Variants in FRMPD2 observed in about 807,000 individuals in gnomAD.
The protein encoded by FRMPD2 is FERM and PDZ domain-containing protein 2.
FRMPD2 carries 96 observed loss-of-function variants against 140.1 expected under a neutral mutation model. The ratio of observed to expected loss-of-function variants is 0.69; its 90% CI spans 0.58 to 0.81. The LOEUF is 0.81. Among genes scored for constraint, FRMPD2 ranks in the 40% least tolerant of loss-of-function variants. The pLI is 0.00. For synonymous variants in FRMPD2, 449 were observed against 547.6 expected, an observed-to-expected ratio of 0.82 and a Z score of 2.52; for missense variants, 1,240 against 1,447.4, an observed-to-expected ratio of 0.86 and a Z score of 2.32.
intron 14 of FRMPD2, 56 bp from the exon 15 acceptor site, chr10:48,201,440 C>T (rs866010069): frequency 1.7e-4 from 256 of 1,534,356 alleles, no homozygotes; most frequent in Non-Finnish European, 2.0e-4. Context: ...CCTCCACTGA[C>T]GCACAACTGC....
chr10:48,222,395 TC>T lies in FRMPD2; in HGVS notation c.1372del (p.Glu458ArgfsTer46). On this transcript the variant is annotated frameshift_variant, in exon 12 of 29. Transcript: ENST00000374201. LOFTEE classifies it high-confidence loss of function. ...TATCTCTTCATTGCAGTACAGCCTC[TC>T]CTCCAGGATATCTTTCCGAAGCTGC... Reference protein sequence around the residue: ...YLQLRKDILEERLYCNEEILL... With the variant: ...YLQLRKDILEXRLYCNEEILL... 6.2e-7 allele frequency: 1 copy of T among 1,614,158 alleles called. No homozygotes were observed. The highest frequency in any genetic ancestry group is 8.5e-7 in the Non-Finnish European group (1 of 1,179,992).
chr10:48,246,381 C>T (rs1232312497), intron 3 of FRMPD2, among the ~76,000 whole-genome samples: 1 of 152,166 alleles, frequency 6.6e-6, no homozygotes, highest in Non-Finnish European at 1.5e-5. Context: ...AGGCCTTGGC[C>T]ACAGTGACAA....
chr10:48,215,580 A>G (rs1054546028), intron 12 of FRMPD2, among the ~76,000 whole-genome samples: 2 of 152,174 alleles, frequency 1.3e-5, no homozygotes, highest in African/African-American at 2.4e-5. Context: ...GTATAAATGA[A>G]TGGGTTTGTG....
At chr10:48,247,842 T>G (rs763639611) in intron 3 of FRMPD2, among the ~76,000 whole-genome samples, 25 of 152,108 alleles carry the variant, frequency 1.6e-4, no homozygotes, top group Non-Finnish European at 3.4e-4. Context: ...GGCACGCAAG[T>G]CTGTGTCCAA....
intron 10 of FRMPD2, among the ~76,000 whole-genome samples, chr10:48,225,650 A>C (rs1276013852): frequency 6.6e-6 from 1 of 152,228 alleles, no homozygotes; most frequent in East Asian, 1.9e-4. Context: ...ATTCCAGAAT[A>C]AACTCTTTCT....
intron 12 of FRMPD2, among the ~76,000 whole-genome samples, chr10:48,221,245 C>A (rs114781897): frequency 0.014 from 2,192 of 152,202 alleles, 51 homozygotes; most frequent in African/African-American, 0.048. Context: ...ATTTCTTTAT[C>A]CACTCATTCC....
intron 10 of FRMPD2, among the ~76,000 whole-genome samples, chr10:48,226,355 G>A (rs1244154255): frequency 6.6e-6 from 1 of 152,064 alleles, no homozygotes; most frequent in Non-Finnish European, 1.5e-5. Context: ...TCTTCCTCTA[G>A]CCGAACTCCT....
rs118189578 is a variant in FRMPD2 at position 48,254,648 on chromosome 10, C to T, written c.26-2957G>A. 9.1e-3 allele frequency among the ~76,000 whole-genome samples: 1,379 copies of T among 152,334 alleles called. 14 individuals carry two copies. Among genetic ancestry groups the T allele is most frequent in the African/African-American group, 0.024 (995 of 41,566 alleles). On this transcript the variant is annotated intron_variant, in intron 1 of 28. Coordinates refer to ENST00000374201, the MANE Select transcript of FRMPD2 (RefSeq NM_001018071.4). ...ATACACTTCCATAGCATTTACTGTACGCCAGGCACTGTTCAGAGTGCTTTA... is the reference window on the plus strand; with the variant it reads ...ATACACTTCCATAGCATTTACTGTATGCCAGGCACTGTTCAGAGTGCTTTA...
At position 48,178,048 on chromosome 10, in the gene FRMPD2, G is replaced by A. The variant is rs1281308062; in HGVS notation, c.2894C>T (p.Thr965Ile). Residue 965 changes from threonine (T) to isoleucine (I), a missense_variant and splice_region_variant, in exon 22 of 29, where the codon ACT becomes ATT. Transcript: ENST00000374201. ...KEDGTLGFSVTGGINTSVPYG... is the reference protein window; with the variant it reads ...KEDGTLGFSVIGGINTSVPYG... ...TCAAGCTCTCCTAAAAACTCTTACAGTTACACTGAATCCAAGTGTCCCATC... is the reference window on the plus strand; with the variant it reads ...TCAAGCTCTCCTAAAAACTCTTACAATTACACTGAATCCAAGTGTCCCATC... The A allele has an allele frequency of 1.9e-6, 3 of 1,592,196 alleles. No individual in the cohort carries two copies. The highest frequency in any genetic ancestry group is 2.6e-6 in the Non-Finnish European group (3 of 1,162,154).
intron 13 of FRMPD2, among the ~76,000 whole-genome samples, chr10:48,207,760 C>T (rs548630788): frequency 7.2e-5 from 11 of 152,184 alleles, no homozygotes; most frequent in Non-Finnish European, 1.5e-4. Flanking sequence ...GAAGCCCTCT[C>T]AGAAGGGTTG....
Position 48,242,199 on chromosome 10 carries a change from T to C in FRMPD2, c.529A>G (p.Arg177Gly). Residue 177 changes from arginine to glycine, a missense_variant, in exon 5 of 29, where the codon AGA becomes GGA. By Grantham distance (125) the Arg-to-Gly change is moderately radical. Transcript: ENST00000374201. ...VYPAPAGLHI[R>G]RLVGLVLGTI... ...CCCAGAACCAAGCCAACCAGCCTTC[T>C]GATGTGGAGACCAGCAGGGGCTGGG... 1 of 1,614,098 alleles carries C rather than the reference T, an allele frequency of 6.2e-7. No individual in the cohort carries two copies. Among genetic ancestry groups the C allele is most frequent in the Non-Finnish European group, 8.5e-7 (1 of 1,179,944 alleles).
rs114163551 is a variant in FRMPD2 at position 48,212,156 on chromosome 10, G to A, written c.1456-47C>T. ...GAAGGGCACAATCCAGACACTGGCC[G>A]GGGGACTCTGAGAGGAATGAAAACA... is the stretch of plus-strand genomic sequence containing the variant. On this transcript the variant is annotated intron_variant, in intron 12 of 28. Coordinates refer to ENST00000374201, the MANE Select transcript of FRMPD2 (RefSeq NM_001018071.4). 1,531 of 1,582,960 alleles carry A rather than the reference G, an allele frequency of 9.7e-4. 7 individuals carry two copies. The African/African-American group carries it at 0.017, about 18-fold the overall frequency.
At chr10:48,269,728 C>T (rs1306899447) in intron 1 of FRMPD2, among the ~76,000 whole-genome samples, 2 of 152,160 alleles carry the variant, frequency 1.3e-5, no homozygotes, top group African/African-American at 4.8e-5. Context: ...TCAAATTAAT[C>T]CATCCAGAGC....
intron 1 of FRMPD2, 62 bp downstream of exon 1, chr10:48,274,481 A>G: frequency 6.9e-7 from 1 of 1,453,792 alleles, no homozygotes; most frequent in Non-Finnish European, 9.7e-7. Context: ...TAGACCCAGT[A>G]AGAAGTTTGC....
chr10:48,192,626 C>T lies in FRMPD2; in HGVS notation c.2165+58G>A, dbSNP rs986359981. The T allele has an allele frequency of 2.6e-5, 38 of 1,444,818 alleles. No individual in the cohort carries two copies. The African/African-American group carries it at 5.2e-4, about 20-fold the overall frequency. 89.5% of individuals were successfully genotyped at this position (1,444,818 alleles called of 1,614,324 possible). A position where few individuals can be genotyped will look rare whatever the true frequency, so the allele number is the denominator to read the frequency against. On this transcript the variant is annotated intron_variant, in intron 16 of 28. Transcript: ENST00000374201. ...TAAAATAAATCTTCAGTACAGATCA[C>T]TGCAAACCATCAAGCACATGGTGGT...
rs933293433 is a variant in FRMPD2 at position 48,207,812 on chromosome 10, G to C, written c.1612-879C>G. ...TATCCCATTCCTACCCCCAACCAGA[G>C]AGCATAATGTCCTATCCAATCTCTC... On this transcript the variant is annotated intron_variant, in intron 13 of 28. Transcript: ENST00000374201. Among the ~76,000 whole-genome samples, 8 of 152,102 alleles carry C rather than the reference G, an allele frequency of 5.3e-5. No individual in the cohort carries two copies. In the South Asian group the frequency reaches 1.7e-3, roughly 32 times the overall value.
chr10:48,256,464 C>T (rs1026409570), intron 1 of FRMPD2, among the ~76,000 whole-genome samples: 5 of 152,276 alleles, frequency 3.3e-5, no homozygotes, highest in African/African-American at 4.8e-5. Context: ...GGTCACATTT[C>T]GGTATTTTGT....
chr10:48,244,814 C>G lies in FRMPD2; in HGVS notation c.345G>C (p.Trp115Cys). 1 of 1,613,580 alleles carries G rather than the reference C, an allele frequency of 6.2e-7. No homozygotes were observed. Among genetic ancestry groups the G allele is most frequent in the East Asian group, 2.2e-5 (1 of 44,886 alleles). ...GTGGCGGAACATGAAACCCTGCTGA[C>G]CAGTAGAGGGTCATTCCTAAAGAAT... ...HVYSLGMTLY[W>C]SAGFHVPPHQ... Residue 115 changes from tryptophan (W) to cysteine (C), a missense_variant, in exon 4 of 29, where the codon TGG becomes TGC. By Grantham distance (215) the Trp-to-Cys change is radical. Transcript: ENST00000374201.
At chr10:48,269,005 G>A (rs1840722519) in intron 1 of FRMPD2, among the ~76,000 whole-genome samples, 1 of 151,472 alleles carries the variant, frequency 6.6e-6, no homozygotes, top group African/African-American at 2.4e-5. Flanking sequence ...CAGATTAGGA[G>A]AAAATATATA....
Sources: allele counts gnomAD v4.1 joint callset (sites outside exome capture counted in the v4.1 genomes callset), GRCh38; gene constraint gnomAD v4.1.1; transcripts MANE v1.5; gene names NCBI Gene and HGNC (gene_info 2026-07-23, HGNC 2026-07-21).